Variants in ROCK1 observed in about 807,000 individuals in gnomAD.
ROCK1 encodes the protein rho-associated protein kinase 1.
Under a neutral mutation model 196.8 loss-of-function variants are expected in ROCK1, and 36 were observed. The observed-to-expected ratio is 0.18, with a 90% CI of 0.14 to 0.24. ROCK1 has a LOEUF of 0.24. Among genes scored for constraint, ROCK1 ranks in the 10% least tolerant of loss-of-function variants. The probability of loss-of-function intolerance (pLI) is 1.00; values close to 1 mark genes in which losing one functional copy is unlikely to be tolerated. For missense variants in ROCK1, 920 were observed against 1,562.0 expected, an observed-to-expected ratio of 0.59 and a Z score of 6.93; for synonymous variants, 443 against 515.9, an observed-to-expected ratio of 0.86 and a Z score of 1.91.
At chr18:21,052,996 G>A (rs774980666) in intron 2 of ROCK1, among the ~76,000 whole-genome samples, 1 of 152,120 alleles carries the variant, frequency 6.6e-6, no homozygotes, top group Non-Finnish European at 1.5e-5. Flanking sequence ...TATATACACA[G>A]GCTAATTCTT....
At position 21,110,879 on chromosome 18, in the gene ROCK1, A is replaced by T; in HGVS notation, c.32T>A (p.Phe11Tyr). MSTGDSFETR[F>Y]EKMDNLLRDP... The stretch of plus-strand genomic sequence containing the variant: ...CCGCAGCAGGTTGTCCATTTTTTCA[A>T]ATCGAGTCTCAAAACTGTCCCCAGT... The change falls in exon 1 of 33, where the codon TTT (phenylalanine) becomes TAT (tyrosine). Residue 11 changes from phenylalanine to tyrosine, a missense_variant. Physicochemically the swap from Phe to Tyr is conservative, Grantham distance 22. Coordinates refer to ENST00000399799, the MANE Select transcript of ROCK1 (RefSeq NM_005406.3). 3 of 1,614,216 alleles carry T rather than the reference A, an allele frequency of 1.9e-6. No homozygotes were observed. The highest frequency in any genetic ancestry group is 2.5e-6 in the Non-Finnish European group (3 of 1,180,032).
At chr18:21,015,564 C>G in intron 12 of ROCK1, 85 bp from the exon 13 acceptor site, 1 of 861,064 alleles carries the variant, frequency 1.2e-6, no homozygotes, top group Non-Finnish European at 1.9e-6. Flanking sequence ...TACTTTTCCA[C>G]TTAACTAGAG....
Position 20,954,988 on chromosome 18 carries a change from T to C in ROCK1, c.3648A>G (p.Gln1216=), listed in dbSNP as rs769303046. The change falls in exon 31 of 33, where the codon CAA becomes CAG. Residue 1216 remains glutamine (Q), a synonymous_variant. Coordinates refer to ENST00000399799, the MANE Select transcript of ROCK1 (RefSeq NM_005406.3). ...CRKDVEMEPV[Q]QAEKTNFQNH... ...TTTGGAAATTAGTTTTTTCAGCTTG[T>C]TGTACTGGTTCCATCTCTACATCTT... The C allele has an allele frequency of 3.1e-6, 5 of 1,613,822 alleles. No homozygotes were observed. The highest frequency in any genetic ancestry group is 4.5e-5 in the East Asian group (2 of 44,882).
chr18:21,104,005 A>G (rs1240855426), intron 1 of ROCK1, among the ~76,000 whole-genome samples: 1 of 152,216 alleles, frequency 6.6e-6, no homozygotes, highest in Non-Finnish European at 1.5e-5. Flanking sequence ...CGTATCCAAC[A>G]GCTATACTGT....
At chr18:21,110,717 G>A in intron 1 of ROCK1, 101 bp downstream of exon 1, 3 of 893,466 alleles carry the variant, frequency 3.4e-6, no homozygotes, top group Non-Finnish European at 5.5e-6. Context: ...TTTCCAAGAC[G>A]ATTATGCACA....
chr18:21,009,690 A>G (rs1193101915), intron 13 of ROCK1, among the ~76,000 whole-genome samples: 1 of 152,134 alleles, frequency 6.6e-6, no homozygotes, highest in African/African-American at 2.4e-5. Context: ...CAAGTGATCT[A>G]GTTTCTCCAT....
intron 22 of ROCK1, among the ~76,000 whole-genome samples, chr18:20,971,957 C>T (rs2035433277): frequency 6.6e-6 from 1 of 151,988 alleles, no homozygotes; most frequent in Non-Finnish European, 1.5e-5. Context: ...GTAAGGCTTT[C>T]CAAGGCAATA....
At chr18:21,077,374 T>C (rs1433476887) in intron 1 of ROCK1, among the ~76,000 whole-genome samples, 2 of 152,172 alleles carry the variant, frequency 1.3e-5, no homozygotes, top group Non-Finnish European at 2.9e-5. Flanking sequence ...ATACTGTGTA[T>C]GTTCATTCTA....
intron 19 of ROCK1, 71 bp downstream of exon 19, chr18:20,986,879 T>C: frequency 7.6e-7 from 1 of 1,316,190 alleles, no homozygotes; most frequent in South Asian, 1.4e-5. Context: ...AAATTATAGA[T>C]AACTCCAGTC....
At chr18:21,019,637 C>CA (rs1014134344) in intron 12 of ROCK1, among the ~76,000 whole-genome samples, 49 of 142,650 alleles carry the variant, frequency 3.4e-4, no homozygotes, top group East Asian at 4.1e-4. Flanking sequence ...ACTAAAAATA[C>CA]AAAAAAAAAA....
rs1403638309 is a variant in ROCK1 at position 21,044,038 on chromosome 18, C to A, written c.675+64G>T. 5.1e-6 allele frequency: 5 copies of A among 972,822 alleles called. No individual in the cohort carries two copies. In the Admixed American group the frequency reaches 8.0e-5, roughly 16 times the overall value. The allele number at this position is 972,822 out of a possible 1,614,324, so 60.3% of individuals were successfully genotyped here. Reference sequence around the variant, plus strand: ...CACCATTTTCTAAAGAATTCTTAAACCATTTTCTAAAGAAGCATCTACCTT... The same window carrying A: ...CACCATTTTCTAAAGAATTCTTAAAACATTTTCTAAAGAAGCATCTACCTT... On this transcript the variant is annotated intron_variant, in intron 6 of 32. Transcript: ENST00000399799.
chr18:21,103,260 A>AT (rs2143604491), intron 1 of ROCK1, among the ~76,000 whole-genome samples: 1 of 152,302 alleles, frequency 6.6e-6, no homozygotes, highest in African/African-American at 2.4e-5. Context: ...AATGGCAAAT[A>AT]TAACTATTGA....
In ROCK1 at chr18:21,033,854, TAAAAAAAAAAA is replaced by T. The variant is rs71269004; in HGVS notation, c.1052-4930_1052-4920del. Among the ~76,000 whole-genome samples, 34 of 33,464 alleles carry T rather than the reference TAAAAAAAAAAA, an allele frequency of 1.0e-3. 1 individual carries two copies. The highest frequency in any genetic ancestry group is 1.3e-3 in the African/African-American group (12 of 9,318). The allele number at this position is 33,464 out of a possible 152,430, so 22.0% of individuals were successfully genotyped here. Reference sequence around the variant, plus strand: ...TAACTCAGTGAAACCCCGTTTCTACTAAAAAAAAAAAAAAAAAAAAAAAAAAAAAATTAGCC... The same window carrying T: ...TAACTCAGTGAAACCCCGTTTCTACTAAAAAAAAAAAAAAAAAAATTAGCC... On this transcript the variant is annotated intron_variant, in intron 9 of 32. Coordinates refer to ENST00000399799, the MANE Select transcript of ROCK1 (RefSeq NM_005406.3).
chr18:20,990,948 C>A (rs1362057245), intron 18 of ROCK1, among the ~76,000 whole-genome samples: 1 of 151,706 alleles, frequency 6.6e-6, no homozygotes, highest in Non-Finnish European at 1.5e-5. Context: ...TTAGTAGAGA[C>A]GGGGTTTCAC....
chr18:20,971,684 A>G (rs1158640905), intron 22 of ROCK1, among the ~76,000 whole-genome samples: 2 of 125,152 alleles, frequency 1.6e-5, no homozygotes, highest in Admixed American at 1.5e-4. Flanking sequence ...AAATAAATAA[A>G]TAAATAAATA....
intron 8 of ROCK1, among the ~76,000 whole-genome samples, chr18:21,040,642 A>C (rs2036097521): frequency 6.6e-6 from 1 of 151,974 alleles, no homozygotes; most frequent in Non-Finnish European, 1.5e-5. Flanking sequence ...GGATTAGAAA[A>C]CCTCTCCATG....
intron 1 of ROCK1, among the ~76,000 whole-genome samples, chr18:21,104,330 G>A (rs945524769): frequency 3.9e-5 from 6 of 152,272 alleles, no homozygotes; most frequent in East Asian, 3.9e-4. Flanking sequence ...AGGGTGCGGC[G>A]CTCATGCCTG....
At chr18:21,026,446 A>G (rs568032683) in intron 10 of ROCK1, among the ~76,000 whole-genome samples, 44 of 121,104 alleles carry the variant, frequency 3.6e-4, no homozygotes, top group South Asian at 2.9e-3. Context: ...CTCTGTCTCG[A>G]AAAAAAAAAA....
intron 27 of ROCK1, among the ~76,000 whole-genome samples, 170 bp from the exon 28 acceptor site, chr18:20,960,376 T>A (rs1176326743): frequency 6.6e-6 from 1 of 152,010 alleles, no homozygotes; most frequent in Admixed American, 6.6e-5. Context: ...TTAATGGCCA[T>A]ACAAATATTG....
Sources: gnomAD v4.1 joint callset for allele counts (sites outside exome capture counted in the v4.1 genomes callset) on GRCh38, gnomAD v4.1.1 for gene constraint, MANE v1.5 for transcripts, NCBI Gene and HGNC (gene_info 2026-07-23, HGNC 2026-07-21) for gene names.